The following PACS2 variants were observed in gnomAD, a reference collection of about 807,000 sequenced individuals.
The protein encoded by PACS2 is phosphofurin acidic cluster sorting protein 2.
PACS2 carries 36 observed loss-of-function variants against 113.0 expected under a neutral mutation model. The observed-to-expected ratio is 0.32, with a 90% CI of 0.24 to 0.42. The LOEUF (loss-of-function observed/expected upper bound fraction) is 0.42. Among genes scored for constraint, PACS2 ranks in the 10% least tolerant of loss-of-function variants. PACS2 has a pLI of 1.00. For synonymous variants in PACS2, 589 were observed against 536.1 expected (o/e 1.10, Z -1.36); for missense variants, 1,015 against 1,239.5 (o/e 0.82, Z 2.72).
chr14:105,336,774 C>T (rs587755074), intron 1 of PACS2: 1 of 152,368 alleles, frequency 6.6e-6, no homozygotes, highest in East Asian at 1.9e-4. Context: ...TGCACTGCTG[C>T]TGGGAATGTA....
intron 20 of PACS2, chr14:105,390,497 T>G: frequency 5.6e-6 from 1 of 178,340 alleles, no homozygotes; most frequent in South Asian, 1.3e-4. Flanking sequence ...CACAGCCTGT[T>G]TCCTGCCATC....
At chr14:105,335,342 C>T (rs587667743) in intron 1 of PACS2, among the ~76,000 whole-genome samples, 8 of 150,616 alleles carry the variant, frequency 5.3e-5, no homozygotes, top group Admixed American at 2.0e-4. Flanking sequence ...CTGTGGCCGG[C>T]GCCTGGCGTG....
rs587740344 is a variant in PACS2 at position 105,368,168 on chromosome 14, C to T, written c.660+21C>T. 6.0e-4 allele frequency: 936 copies of T among 1,557,678 alleles called. 11 individuals are homozygous for T. The South Asian group carries it at 9.6e-3, about 16-fold the overall frequency. On this transcript the variant is annotated intron_variant, in intron 6 of 24. Coordinates refer to ENST00000447393, the MANE Select transcript of PACS2 (RefSeq NM_001100913.3). ...GGCAGGTGACCTGGGGCCGGGGCTC[C>T]GCGCCCTCTCCTGGCTCACACCGGG...
chr14:105,349,414 G>A (rs1043414872), intron 2 of PACS2, among the ~76,000 whole-genome samples: 5 of 152,254 alleles, frequency 3.3e-5, no homozygotes, highest in Non-Finnish European at 7.3e-5. Context: ...CAGCCCATCA[G>A]CTCCTCGAGG....
In PACS2 at chr14:105,324,185, G is replaced by C. The variant is rs2059007042; in HGVS notation, c.119+9148G>C. Among the ~76,000 whole-genome samples the C allele has an allele frequency of 6.6e-6, 1 of 152,232 alleles. No individual in the cohort carries two copies. On this transcript the variant is annotated intron_variant, in intron 1 of 24. Transcript: ENST00000447393. This position sits in a 1 kb window ranked among gnomAD's most constrained non-coding sequence, Gnocchi z 4.7. ...ATGCGTCTCAGGAAGGTTTGATGGA[G>C]TGGGCAGCTGCGGTGCTGTGGCGGG...
intron 1 of PACS2, among the ~76,000 whole-genome samples, chr14:105,328,824 C>T (rs1255320105): frequency 2.0e-5 from 3 of 152,218 alleles, no homozygotes; most frequent in Non-Finnish European, 4.4e-5. Context: ...CTCTTGCCTG[C>T]TGTCTTTGCA....
intron 1 of PACS2, among the ~76,000 whole-genome samples, chr14:105,304,917 G>A (rs1166414906): frequency 6.6e-6 from 1 of 152,200 alleles, no homozygotes; most frequent in Non-Finnish European, 1.5e-5. Flanking sequence ...CTCCCACCAG[G>A]TCCCTCCACA....
intron 19 of PACS2, among the ~76,000 whole-genome samples, chr14:105,387,254 AGC>A (rs1176531524): frequency 6.6e-6 from 1 of 152,302 alleles, no homozygotes; most frequent in East Asian, 1.9e-4. Flanking sequence ...AGCCCTCTCC[AGC>A]CAGGCTCCCC....
Position 105,352,487 on chromosome 14 carries a change from T to A in PACS2, c.297+20T>A. 6.7e-7 allele frequency: 1 copy of A among 1,489,456 alleles called. No homozygotes were observed. The highest frequency in any genetic ancestry group is 2.3e-5 in the East Asian group (1 of 44,318). 92.3% of individuals were successfully genotyped at this position (1,489,456 alleles called of 1,614,324 possible). A position where few individuals can be genotyped will look rare whatever the true frequency, so the allele number is the denominator to read the frequency against. On this transcript the variant is annotated intron_variant, in intron 3 of 24. Coordinates refer to ENST00000447393, the MANE Select transcript of PACS2 (RefSeq NM_001100913.3). ...TTGCAGGTGAGTCTTTCACCAGTGG[T>A]GACGACACCCTCATCACTGTCCCCT...
In PACS2 at chr14:105,376,845, G is replaced by A. The variant is rs1555410587; in HGVS notation, c.879G>A (p.Leu293=). ...EEDLDLLYDT[L]DMEHPSDSGP... The stretch of plus-strand genomic sequence containing the variant: ...ACCTGGACCTCCTGTATGACACCCT[G>A]GACATGGAGCACCCCAGCGACAGCG... The change falls in exon 9 of 25, where the codon CTG becomes CTA. Residue 293 remains leucine, a synonymous_variant. Coordinates refer to ENST00000447393, the MANE Select transcript of PACS2 (RefSeq NM_001100913.3). The surrounding 1 kb of genome is among the most constrained non-coding windows in gnomAD (Gnocchi z 4.7). 1.2e-6 allele frequency: 2 copies of A among 1,613,200 alleles called. No homozygotes were observed. The highest frequency in any genetic ancestry group is 2.2e-5 in the South Asian group (2 of 91,086).
At chr14:105,304,719 G>T (rs55757119) in intron 1 of PACS2, among the ~76,000 whole-genome samples, 14,857 of 152,264 alleles carry the variant, frequency 0.098, 966 homozygotes, top group Non-Finnish European at 0.14. Flanking sequence ...GTAGTTCCAC[G>T]TGGCTGCAGA....
intron 1 of PACS2, among the ~76,000 whole-genome samples, chr14:105,327,542 C>G (rs937426200): frequency 1.3e-5 from 2 of 152,152 alleles, no homozygotes; most frequent in African/African-American, 2.4e-5. Flanking sequence ...AGGTGTCTGC[C>G]GCTAGCGCTC....
In PACS2 at chr14:105,384,955, C is replaced by T. The variant is rs782285633; in HGVS notation, c.1968C>T (p.Ile656=). The change falls in exon 18 of 25, where the codon ATC becomes ATT. Residue 656 remains isoleucine (I), a synonymous_variant. Transcript: ENST00000447393. ...CCAACTGTGCCCACCAGCTCCCCAT[C>T]GCAGAGGCCATGCTGACCTACAAGC... ...AGANCAHQLP[I]AEAMLTYKQK... 1.4e-5 allele frequency: 22 copies of T among 1,595,282 alleles called. No homozygotes were observed. Among genetic ancestry groups the T allele is most frequent in the African/African-American group, 9.4e-5 (7 of 74,614 alleles).
At chr14:105,302,725 A>G (rs2058077767) in intron 1 of PACS2, among the ~76,000 whole-genome samples, 2 of 152,176 alleles carry the variant, frequency 1.3e-5, no homozygotes, top group Admixed American at 1.3e-4. Context: ...AGCTGGAACT[A>G]CAGGCATGTG....
intron 4 of PACS2, among the ~76,000 whole-genome samples, chr14:105,364,429 G>GCA (rs2060867595): frequency 7.7e-6 from 1 of 129,440 alleles, no homozygotes; most frequent in African/African-American, 3.2e-5. Flanking sequence ...TGTCCCGGGT[G>GCA]CGCGGTGGGC....
chr14:105,308,180 C>T (rs1360897181), intron 1 of PACS2, among the ~76,000 whole-genome samples: 1 of 150,410 alleles, frequency 6.6e-6, no homozygotes, highest in Non-Finnish European at 1.5e-5. Context: ...GAGACTCTGT[C>T]CCCCCCAAAA....
chr14:105,349,707 A>G (rs1275460491), intron 2 of PACS2, among the ~76,000 whole-genome samples: 2 of 152,268 alleles, frequency 1.3e-5, no homozygotes, highest in Non-Finnish European at 2.9e-5. Flanking sequence ...CTCGCTGAAC[A>G]TGCTCGTGGA....
Position 105,315,976 on chromosome 14 carries a change from G to C in PACS2, c.119+939G>C, listed in dbSNP as rs1007861726. 1.3e-5 allele frequency among the ~76,000 whole-genome samples: 2 copies of C among 152,212 alleles called. No individual in the cohort carries two copies. Among genetic ancestry groups the C allele is most frequent in the Non-Finnish European group, 2.9e-5 (2 of 68,040 alleles). On this transcript the variant is annotated intron_variant, in intron 1 of 24. Transcript: ENST00000447393. This position sits in a 1 kb window ranked among gnomAD's most constrained non-coding sequence, Gnocchi z 4.4. ...GGCACTGGAAGTGGCCAGTATGCCT[G>C]GAGGGGACCCCACGTGGCATTGAGT...
intron 1 of PACS2, among the ~76,000 whole-genome samples, chr14:105,334,316 C>T (rs1004438621): frequency 6.6e-6 from 1 of 152,258 alleles, no homozygotes; most frequent in Non-Finnish European, 1.5e-5. Context: ...GGCAGCGTGG[C>T]CAGGAGAGCA....
Sources: gnomAD v4.1 joint callset for allele counts (sites outside exome capture counted in the v4.1 genomes callset) on GRCh38, gnomAD v4.1.1 for gene constraint, Gnocchi (gnomAD v3.1) non-coding constraint, MANE v1.5 for transcripts, NCBI Gene and HGNC (gene_info 2026-07-23, HGNC 2026-07-21) for gene names.